Variants in NLGN1 observed in about 807,000 individuals in gnomAD.
NLGN1 encodes neuroligin-1.
NLGN1 carries 12 observed loss-of-function variants against 65.5 expected under a neutral mutation model. That is an observed-to-expected ratio of 0.18 (90% CI 0.12 to 0.30). The LOEUF (loss-of-function observed/expected upper bound fraction) is 0.30. NLGN1 is among the 10% of genes least tolerant of loss of function. The pLI, the probability that NLGN1 is intolerant of heterozygous loss-of-function variation, is 1.00. For synonymous variants in NLGN1, 350 were observed against 359.5 expected (o/e 0.97, Z 0.30); for missense variants, 750 against 1,007.1 (o/e 0.74, Z 3.46).
At chr3:173,414,349 C>A (rs11708997) in intron 1 of NLGN1, among the ~76,000 whole-genome samples, 28,924 of 151,976 alleles carry the variant, frequency 0.19, 3,127 homozygotes, top group African/African-American at 0.29. Flanking sequence ...GGCATGTCTC[C>A]TGCTTAGGAA....
In NLGN1 at chr3:173,514,905, A is replaced by G. The variant is rs116760243; in HGVS notation, c.-321+79827A>G. On this transcript the variant is annotated intron_variant, in intron 2 of 6. Transcript: ENST00000457714. ...ACCAAAGTAAATTTTTTATGCATTT[A>G]TATGTTGATAGACATCTAGATTGTT... Among the ~76,000 whole-genome samples, 623 of 152,290 alleles carry G rather than the reference A, an allele frequency of 4.1e-3. 2 individuals carry two copies. Among genetic ancestry groups the G allele is most frequent in the Non-Finnish European group, 6.4e-3 (432 of 67,998 alleles).
intron 2 of NLGN1, among the ~76,000 whole-genome samples, chr3:173,523,911 T>G (rs1317531226): frequency 7.1e-6 from 1 of 141,406 alleles, no homozygotes; most frequent in Non-Finnish European, 1.5e-5. Flanking sequence ...CTCATATAAT[T>G]TCTTTCTTTC....
chr3:174,000,719 T>A (rs189913116), intron 4 of NLGN1, among the ~76,000 whole-genome samples: 142 of 152,256 alleles, frequency 9.3e-4, no homozygotes, highest in African/African-American at 3.1e-3. Context: ...TGGAGGATGG[T>A]AAAGATGAAT....
intron 2 of NLGN1, among the ~76,000 whole-genome samples, chr3:173,545,038 T>G (rs111595143): frequency 1.3e-5 from 2 of 150,544 alleles, no homozygotes; most frequent in South Asian, 2.1e-4. Flanking sequence ...CTGCAAAGTT[T>G]TGTGTGTGTG....
At chr3:173,736,623 G>GCTCTTT in intron 3 of NLGN1, among the ~76,000 whole-genome samples, 1 of 151,640 alleles carries the variant, frequency 6.6e-6, no homozygotes, top group Non-Finnish European at 1.5e-5. Flanking sequence ...CTTGGAGAGG[G>GCTCTTT]TTGCAGTATG....
chr3:173,861,726 GTGTT>G (rs1317063650), intron 4 of NLGN1, among the ~76,000 whole-genome samples: 2 of 151,818 alleles, frequency 1.3e-5, no homozygotes, highest in Non-Finnish European at 1.5e-5. Context: ...GTATGTGTGT[GTGTT>G]TGTGTGTGTT....
chr3:173,580,133 C>T (rs937115644), intron 2 of NLGN1, among the ~76,000 whole-genome samples: 3 of 152,008 alleles, frequency 2.0e-5, no homozygotes, highest in Admixed American at 6.6e-5. Flanking sequence ...TCAAAAAAAA[C>T]CCCACCTTTT....
intron 1 of NLGN1, among the ~76,000 whole-genome samples, chr3:173,409,553 C>T (rs951730474): frequency 2.0e-5 from 3 of 152,128 alleles, no homozygotes; most frequent in African/African-American, 7.2e-5. Context: ...TTCTTTCCCC[C>T]ATTTCCAACT....
At position 174,279,169 on chromosome 3, in the gene NLGN1, G is replaced by A. The variant is rs767029682; in HGVS notation, c.1168G>A (p.Gly390Arg). Residue 390 changes from glycine (G) to arginine (R), a missense_variant, in exon 6 of 7, where the codon GGG becomes AGG. Transcript: ENST00000457714. This position sits in a 1 kb window ranked among gnomAD's most constrained non-coding sequence, Gnocchi z 4.7. ...TGATATAATGTTAGGAGTGAACCAA[G>A]GGGAAGGGTTAAAATTTGTTGAAAA... is the stretch of plus-strand genomic sequence containing the variant. 6.2e-7 allele frequency: 1 copy of A among 1,613,388 alleles called. No homozygotes were observed. Among genetic ancestry groups the A allele is most frequent in the Non-Finnish European group, 8.5e-7 (1 of 1,179,558 alleles).
At chr3:173,497,134 A>G (rs1228367152) in intron 2 of NLGN1, among the ~76,000 whole-genome samples, 1 of 151,954 alleles carries the variant, frequency 6.6e-6, no homozygotes, top group Non-Finnish European at 1.5e-5. Context: ...CTGCAATCCC[A>G]GCACTTTGGG....
chr3:173,626,320 A>T (rs566327951), intron 3 of NLGN1, among the ~76,000 whole-genome samples: 1 of 152,210 alleles, frequency 6.6e-6, no homozygotes, highest in African/African-American at 2.4e-5. Context: ...ATTTTCAAAT[A>T]TGAGTAAAAT....
At chr3:173,739,378 T>C (rs1774269047) in intron 3 of NLGN1, among the ~76,000 whole-genome samples, 1 of 150,484 alleles carries the variant, frequency 6.6e-6, no homozygotes, top group South Asian at 2.1e-4. Flanking sequence ...TCTGTAAATA[T>C]TTTAACCCGA....
intron 2 of NLGN1, among the ~76,000 whole-genome samples, chr3:173,556,519 A>G (rs1326997655): frequency 6.6e-6 from 1 of 152,076 alleles, no homozygotes; most frequent in Non-Finnish European, 1.5e-5. Flanking sequence ...TTTTATTTAA[A>G]GACTTTTATT....
At chr3:173,783,070 A>G (rs1228971360) in intron 3 of NLGN1, among the ~76,000 whole-genome samples, 2 of 152,188 alleles carry the variant, frequency 1.3e-5, no homozygotes, top group African/African-American at 2.4e-5. Flanking sequence ...TTCATTTTAC[A>G]TAAAGAATGT....
intron 3 of NLGN1, among the ~76,000 whole-genome samples, chr3:173,727,809 A>T (rs1475942858): frequency 6.6e-6 from 1 of 152,116 alleles, no homozygotes; most frequent in African/African-American, 2.4e-5. Flanking sequence ...GTATTTTTTG[A>T]TGCTGCTAAG....
At chr3:173,542,970 C>G (rs1170298474) in intron 2 of NLGN1, among the ~76,000 whole-genome samples, 1 of 152,024 alleles carries the variant, frequency 6.6e-6, no homozygotes, top group East Asian at 1.9e-4. Flanking sequence ...TGTCCAGGTT[C>G]CATGTCTTCA....
At chr3:174,025,959 A>G (rs542090825) in intron 4 of NLGN1, among the ~76,000 whole-genome samples, 1 of 152,180 alleles carries the variant, frequency 6.6e-6, no homozygotes, top group South Asian at 2.1e-4. Context: ...ACTCTTAACT[A>G]GAAATTAAAA....
At chr3:173,813,037 A>G (rs1326110005) in intron 4 of NLGN1, among the ~76,000 whole-genome samples, 2 of 151,612 alleles carry the variant, frequency 1.3e-5, no homozygotes, top group African/African-American at 2.4e-5. Context: ...CTTGATATAT[A>G]AAAGGAAAAC....
intron 3 of NLGN1, among the ~76,000 whole-genome samples, chr3:173,763,020 G>A (rs1290861070): frequency 1.4e-5 from 2 of 142,210 alleles, no homozygotes; most frequent in African/African-American, 5.5e-5. Context: ...ACAGTCATGA[G>A]GCATATGATT....
Sources: allele counts gnomAD v4.1 joint callset (sites outside exome capture counted in the v4.1 genomes callset), GRCh38; gene constraint gnomAD v4.1.1; non-coding constraint Gnocchi (gnomAD v3.1); transcripts MANE v1.5; gene names NCBI Gene and HGNC (gene_info 2026-07-23, HGNC 2026-07-21).